The following DPYSL2 variants were observed in gnomAD, a reference collection of about 807,000 sequenced individuals.
DPYSL2 encodes dihydropyrimidinase-related protein 2.
Under a neutral mutation model 69.9 loss-of-function variants are expected in DPYSL2, and 13 were observed. The ratio of observed to expected loss-of-function variants is 0.19; its 90% CI spans 0.12 to 0.30. The LOEUF (loss-of-function observed/expected upper bound fraction) is 0.30, where lower values mean the gene tolerates loss of function less well. DPYSL2 is among the 10% of genes least tolerant of loss of function. The probability of loss-of-function intolerance (pLI) is 1.00; values close to 1 mark genes in which losing one functional copy is unlikely to be tolerated. For synonymous variants in DPYSL2, 326 were observed against 359.1 expected (o/e 0.91, Z 1.04); for missense variants, 587 against 918.9 (o/e 0.64, Z 4.67).
chr8:26,599,039 G>A (rs527875538), intron 3 of DPYSL2, among the ~76,000 whole-genome samples: 1 of 152,254 alleles, frequency 6.6e-6, no homozygotes, highest in Non-Finnish European at 1.5e-5. Context: ...GAGAAGGCCT[G>A]TTGTCCATCT....
intron 3 of DPYSL2, among the ~76,000 whole-genome samples, chr8:26,623,177 T>C (rs1489651091): frequency 6.6e-6 from 1 of 152,146 alleles, no homozygotes; most frequent in Non-Finnish European, 1.5e-5. Flanking sequence ...GTAGATATTT[T>C]AGGAGCTGAA....
rs1284892700 is a variant in DPYSL2, at chr8:26,584,063, T to G, written c.628+80T>G. ...ATAAGTCTATTGTTTGATTCTCTCC[T>G]TCTAAAACTTGCTGTCCTGAGCCAC... On this transcript the variant is annotated intron_variant, in intron 3 of 13. Transcript: ENST00000521913. The G allele has an allele frequency of 2.8e-6, 4 of 1,440,514 alleles. No homozygotes were observed. The African/African-American group carries it at 5.7e-5, about 20-fold the overall frequency. 89.2% of individuals were successfully genotyped at this position (1,440,514 alleles called of 1,614,324 possible).
intron 1 of DPYSL2, among the ~76,000 whole-genome samples, chr8:26,546,952 G>GAAAA (rs1345972798): frequency 6.0e-4 from 43 of 72,010 alleles, no homozygotes; most frequent in Non-Finnish European, 9.9e-4. Flanking sequence ...AAAAAAAAAA[G>GAAAA]AAAAGAAAAA....
At chr8:26,646,946 G>A (rs1803177724) in intron 10 of DPYSL2, among the ~76,000 whole-genome samples, 1 of 151,442 alleles carries the variant, frequency 6.6e-6, no homozygotes, top group South Asian at 2.1e-4. Flanking sequence ...TCACTCTACT[G>A]CACTCTAGCC....
rs796104441 is a variant in DPYSL2 at position 26,620,630 on chromosome 8, A to G, written c.629-3513A>G. ...AAAGTATGAGTGAATTTAAAACATT[A>G]TTAGATATGTTATCTAGTAATAATA... is the stretch of plus-strand genomic sequence containing the variant. On this transcript the variant is annotated intron_variant, in intron 3 of 13. Coordinates refer to ENST00000521913, the MANE Select transcript of DPYSL2 (RefSeq NM_001197293.3). This position sits in a 1 kb window ranked among gnomAD's most constrained non-coding sequence, Gnocchi z 4.5. Among the ~76,000 whole-genome samples, 22 of 152,330 alleles carry G rather than the reference A, an allele frequency of 1.4e-4. No individual in the cohort carries two copies. The highest frequency in any genetic ancestry group is 5.3e-4 in the African/African-American group (22 of 41,580).
chr8:26,594,021 A>G (rs1251719272), intron 3 of DPYSL2, among the ~76,000 whole-genome samples: 1 of 152,178 alleles, frequency 6.6e-6, no homozygotes, highest in Non-Finnish European at 1.5e-5. Context: ...GGTTTATTGG[A>G]CCAGGCTTCA....
rs1802379335 is a variant in DPYSL2 at position 26,617,422 on chromosome 8, G to A, written c.629-6721G>A. On this transcript the variant is annotated intron_variant, in intron 3 of 13. Coordinates refer to ENST00000521913, the MANE Select transcript of DPYSL2 (RefSeq NM_001197293.3). This position sits in a 1 kb window ranked among gnomAD's most constrained non-coding sequence, Gnocchi z 4.7. The stretch of plus-strand genomic sequence containing the variant: ...AGGTGGGAGGATTGCTTGAGCCCAG[G>A]AGATCAGGACTGCAGTGAGCTGTGA... Among the ~76,000 whole-genome samples the A allele has an allele frequency of 6.6e-6, 1 of 152,186 alleles. No homozygotes were observed. The highest frequency in any genetic ancestry group is 6.5e-5 in the Admixed American group (1 of 15,288).
chr8:26,556,032 GTATA>G (rs1360653720), intron 1 of DPYSL2, among the ~76,000 whole-genome samples: 134 of 93,140 alleles, frequency 1.4e-3, no homozygotes, highest in Non-Finnish European at 2.4e-3. Flanking sequence ...ATATATATAA[GTATA>G]TATATAGTTT....
chr8:26,620,922 G>A lies in DPYSL2; in HGVS notation c.629-3221G>A, dbSNP rs764991352. Among the ~76,000 whole-genome samples, 5 of 152,110 alleles carry A rather than the reference G, an allele frequency of 3.3e-5. No individual in the cohort carries two copies. The highest frequency in any genetic ancestry group is 7.4e-5 in the Non-Finnish European group (5 of 68,024). ...CAAACACACACATATGTACACACTT[G>A]CATCCACATCTACATACACATATTT... On this transcript the variant is annotated intron_variant, in intron 3 of 13. Coordinates refer to ENST00000521913, the MANE Select transcript of DPYSL2 (RefSeq NM_001197293.3). This position sits in a 1 kb window ranked among gnomAD's most constrained non-coding sequence, Gnocchi z 4.5.
In DPYSL2 at chr8:26,626,015, G is replaced by C. The variant is rs968247913; in HGVS notation, c.794-602G>C. 6.6e-6 allele frequency among the ~76,000 whole-genome samples: 1 copy of C among 152,138 alleles called. No homozygotes were observed. Among genetic ancestry groups the C allele is most frequent in the Admixed American group, 6.5e-5 (1 of 15,274 alleles). The stretch of plus-strand genomic sequence containing the variant: ...TCCACTGTCCTTCACCCCAGTCCCT[G>C]GCAACTGCTGTTGTACTTTCTGTCT... On this transcript the variant is annotated intron_variant, in intron 4 of 13. Coordinates refer to ENST00000521913, the MANE Select transcript of DPYSL2 (RefSeq NM_001197293.3). This position sits in a 1 kb window ranked among gnomAD's most constrained non-coding sequence, Gnocchi z 4.3.
chr8:26,542,426 A>AT (rs1180279450), intron 1 of DPYSL2, among the ~76,000 whole-genome samples: 24 of 149,244 alleles, frequency 1.6e-4, no homozygotes, highest in Admixed American at 2.0e-4. Flanking sequence ...TATTAAAAAA[A>AT]TTTTTTTTTT....
At chr8:26,567,564 C>T (rs79114916) in intron 1 of DPYSL2, among the ~76,000 whole-genome samples, 3,664 of 152,330 alleles carry the variant, frequency 0.024, 70 homozygotes, top group Non-Finnish European at 0.038. Context: ...GGAAATAGTC[C>T]AGGAGACTGT....
chr8:26,640,576 C>A lies in DPYSL2; in HGVS notation c.1127-2863C>A, dbSNP rs933909464. Among the ~76,000 whole-genome samples the A allele has an allele frequency of 6.6e-6, 1 of 152,092 alleles. No homozygotes were observed. The highest frequency in any genetic ancestry group is 2.4e-5 in the African/African-American group (1 of 41,396). On this transcript the variant is annotated intron_variant, in intron 8 of 13. Coordinates refer to ENST00000521913, the MANE Select transcript of DPYSL2 (RefSeq NM_001197293.3). This position sits in a 1 kb window ranked among gnomAD's most constrained non-coding sequence, Gnocchi z 4.2. ...GGAGGGGAGCCCTGGGTTGGGAGCT[C>A]CAGACCACTGGGGATGGGAGGCAGA...
intron 3 of DPYSL2, among the ~76,000 whole-genome samples, chr8:26,606,340 A>G (rs1384160824): frequency 2.0e-5 from 3 of 152,168 alleles, no homozygotes; most frequent in Non-Finnish European, 2.9e-5. Context: ...GTCAGAAGAG[A>G]CCAGAAGAAA....
rs914496385 is a variant in DPYSL2 at position 26,597,107 on chromosome 8, A to G, written c.628+13124A>G. Among the ~76,000 whole-genome samples the G allele has an allele frequency of 2.0e-5, 3 of 152,214 alleles. No individual in the cohort carries two copies. Among genetic ancestry groups the G allele is most frequent in the African/African-American group, 7.2e-5 (3 of 41,458 alleles). On this transcript the variant is annotated intron_variant, in intron 3 of 13. Coordinates refer to ENST00000521913, the MANE Select transcript of DPYSL2 (RefSeq NM_001197293.3). The surrounding 1 kb of genome is among the most constrained non-coding windows in gnomAD (Gnocchi z 5.2). ...AGTGGGAGGCTGCACCCAGCATGGA[A>G]GATGCTCACCAAGACGGTGGTATAT...
chr8:26,597,022 A>G lies in DPYSL2; in HGVS notation c.628+13039A>G, dbSNP rs114053914. 2.7e-3 allele frequency among the ~76,000 whole-genome samples: 408 copies of G among 152,274 alleles called. 2 individuals are homozygous for G. The highest frequency in any genetic ancestry group is 9.5e-3 in the African/African-American group (396 of 41,538). On this transcript the variant is annotated intron_variant, in intron 3 of 13. Transcript: ENST00000521913. The surrounding 1 kb of genome is among the most constrained non-coding windows in gnomAD (Gnocchi z 5.2). ...TGCCCTTCCATCCACCTGTTATTTA[A>G]AAGTACTTTTTCTGTAATATATAGG...
intron 3 of DPYSL2, among the ~76,000 whole-genome samples, chr8:26,601,219 C>T (rs903191269): frequency 6.6e-6 from 1 of 152,152 alleles, no homozygotes; most frequent in African/African-American, 2.4e-5. Context: ...GAAATGTCGC[C>T]TACTTTACCC....
At chr8:26,563,347 A>G (rs1251497226) in intron 1 of DPYSL2, among the ~76,000 whole-genome samples, 1 of 152,098 alleles carries the variant, frequency 6.6e-6, no homozygotes, top group Non-Finnish European at 1.5e-5. Flanking sequence ...CCTCCTTCTC[A>G]TCTTTGTCCA....
intron 10 of DPYSL2, among the ~76,000 whole-genome samples, chr8:26,646,951 C>T (rs138479300): frequency 1.3e-5 from 2 of 151,464 alleles, no homozygotes; most frequent in African/African-American, 2.4e-5. Context: ...CTACTGCACT[C>T]TAGCCTCAAT....
Sources: allele counts gnomAD v4.1 joint callset (sites outside exome capture counted in the v4.1 genomes callset), GRCh38; gene constraint gnomAD v4.1.1; non-coding constraint Gnocchi (gnomAD v3.1); transcripts MANE v1.5; gene names NCBI Gene and HGNC (gene_info 2026-07-23, HGNC 2026-07-21).